ME1: variants seen among roughly 807,000 people sequenced by gnomAD.
The protein encoded by ME1 is NADP-dependent malic enzyme.
ME1 carries 74 observed loss-of-function variants against 66.4 expected under a neutral mutation model. That is an observed-to-expected ratio of 1.11 (90% CI 0.92 to 1.35). The LOEUF (loss-of-function observed/expected upper bound fraction) is 1.35, where lower values mean the gene tolerates loss of function less well. Ranked by LOEUF, ME1 falls within the 40% of genes most tolerant of loss-of-function variation. The pLI, the probability that ME1 is intolerant of heterozygous loss-of-function variation, is 0.00. For synonymous variants in ME1, 251 were observed against 235.6 expected (o/e 1.07, Z -0.60); for missense variants, 750 against 694.1 (o/e 1.08, Z -0.90).
intron 6 of ME1, among the ~76,000 whole-genome samples, chr6:83,265,248 C>T (rs955612860): frequency 1.3e-5 from 2 of 152,172 alleles, no homozygotes; most frequent in African/African-American, 4.8e-5. Context: ...AATGCTATTG[C>T]ATACTTAGTA....
intron 12 of ME1, among the ~76,000 whole-genome samples, chr6:83,217,045 G>T (rs1261558107): frequency 6.6e-6 from 1 of 152,158 alleles, no homozygotes; most frequent in Non-Finnish European, 1.5e-5. Context: ...AGAGCAAAAG[G>T]CTGAGAAAGC....
At chr6:83,410,539 AAT>A (rs958351727) in intron 1 of ME1, among the ~76,000 whole-genome samples, 4 of 152,202 alleles carry the variant, frequency 2.6e-5, no homozygotes, top group African/African-American at 9.6e-5. Flanking sequence ...TATGGACAGT[AAT>A]ATATTTGAAA....
chr6:83,212,921 C>T (rs1023701750), intron 13 of ME1, among the ~76,000 whole-genome samples: 3 of 151,868 alleles, frequency 2.0e-5, no homozygotes, highest in African/African-American at 7.3e-5. Context: ...TCCCTTTTGA[C>T]CAACTCAGAC....
At chr6:83,298,931 G>GTTTTTTTTTTTTTTT (rs61055748) in intron 6 of ME1, among the ~76,000 whole-genome samples, 5 of 22,496 alleles carry the variant, frequency 2.2e-4, no homozygotes, top group Admixed American at 6.3e-4. Flanking sequence ...CTATGTGTCT[G>GTTTTTTTTTTTTTTT]TTTTTTTTTT....
chr6:83,428,254 G>C (rs1050008176), intron 1 of ME1, among the ~76,000 whole-genome samples: 2 of 152,138 alleles, frequency 1.3e-5, no homozygotes, highest in Non-Finnish European at 2.9e-5. Context: ...GAACGAATAA[G>C]ATAAATTTGG....
At chr6:83,376,754 G>T (rs189248356) in intron 3 of ME1, among the ~76,000 whole-genome samples, 1 of 139,400 alleles carries the variant, frequency 7.2e-6, no homozygotes, top group African/African-American at 2.7e-5. Context: ...AGTGCCCTGA[G>T]AATGCACCAC....
At chr6:83,233,882 T>C (rs933804249) in intron 9 of ME1, among the ~76,000 whole-genome samples, 1 of 152,010 alleles carries the variant, frequency 6.6e-6, no homozygotes, top group Non-Finnish European at 1.5e-5. Context: ...AATATAAGGA[T>C]TTTGACTGTT....
intron 6 of ME1, among the ~76,000 whole-genome samples, chr6:83,292,575 G>A (rs913153777): frequency 7.9e-5 from 12 of 152,208 alleles, no homozygotes; most frequent in Admixed American, 2.6e-4. Context: ...GCTACACAGG[G>A]GTCAGGGACC....
intron 2 of ME1, among the ~76,000 whole-genome samples, chr6:83,401,588 G>C (rs545572304): frequency 1.3e-5 from 2 of 152,186 alleles, no homozygotes; most frequent in Non-Finnish European, 2.9e-5. Flanking sequence ...AGAAGGTTGC[G>C]AAGGAGTTTA....
intron 1 of ME1, among the ~76,000 whole-genome samples, chr6:83,422,918 AGAG>A (rs1770296091): frequency 6.6e-6 from 1 of 152,058 alleles, no homozygotes; most frequent in African/African-American, 2.4e-5. Flanking sequence ...TCCCAGAAAG[AGAG>A]GAGAAAGAAA....
At chr6:83,368,425 C>T (rs150704583) in intron 3 of ME1, among the ~76,000 whole-genome samples, 11 of 151,878 alleles carry the variant, frequency 7.2e-5, no homozygotes, top group Non-Finnish European at 1.5e-4. Flanking sequence ...AAAAATTAAA[C>T]GAGGCATGCT....
chr6:83,289,065 T>C (rs1371753694), intron 6 of ME1, among the ~76,000 whole-genome samples: 1 of 152,216 alleles, frequency 6.6e-6, no homozygotes, highest in Non-Finnish European at 1.5e-5. Context: ...ATGATGGGGT[T>C]TTCTAAATAT....
intron 12 of ME1, 93 bp from the exon 13 acceptor site, chr6:83,216,689 G>A: frequency 1.3e-6 from 1 of 767,798 alleles, no homozygotes; most frequent in Non-Finnish European, 2.1e-6. Flanking sequence ...TACATATAAT[G>A]GTCTATACAA....
chr6:83,330,456 A>G (rs573144320), intron 5 of ME1, among the ~76,000 whole-genome samples: 1 of 152,350 alleles, frequency 6.6e-6, no homozygotes, highest in South Asian at 2.1e-4. Context: ...AGAAATAAAA[A>G]TGATTAAAAT....
intron 6 of ME1, among the ~76,000 whole-genome samples, chr6:83,308,837 G>A (rs1472152707): frequency 1.3e-5 from 2 of 151,910 alleles, no homozygotes; most frequent in African/African-American, 4.8e-5. Flanking sequence ...AGAGGAAAGT[G>A]GGCTGAGGGT....
chr6:83,410,023 G>T (rs1194195601), intron 1 of ME1, among the ~76,000 whole-genome samples: 1 of 152,086 alleles, frequency 6.6e-6, no homozygotes, highest in Non-Finnish European at 1.5e-5. Context: ...AGCAGTTCCA[G>T]CTGGCACCAG....
Position 83,352,079 on chromosome 6 carries a change from T to C in ME1, c.423A>G (p.Pro141=), listed in dbSNP as rs1309470289. ...GHIASVLNAW[P]EDVIKAIVVT... is the part of the protein sequence containing the mutation. ...GATAACTTACCTTGATGACATCTTCTGGCCATGCATTGAGAACTGAAGCAA... is the reference window on the plus strand; with the variant it reads ...GATAACTTACCTTGATGACATCTTCCGGCCATGCATTGAGAACTGAAGCAA... Residue 141 remains proline, a synonymous_variant, in exon 4 of 14, where the codon CCA becomes CCG. Transcript: ENST00000369705. The C allele has an allele frequency of 1.5e-5, 24 of 1,599,424 alleles. No homozygotes were observed. The highest frequency in any genetic ancestry group is 1.7e-5 in the Non-Finnish European group (20 of 1,172,844).
At chr6:83,320,162 T>C (rs908751414) in intron 5 of ME1, among the ~76,000 whole-genome samples, 2 of 152,142 alleles carry the variant, frequency 1.3e-5, no homozygotes, top group African/African-American at 4.8e-5. Flanking sequence ...TCCTAGCCAT[T>C]CCAGTCCAAA....
intron 6 of ME1, among the ~76,000 whole-genome samples, chr6:83,292,526 G>A (rs1767522875): frequency 6.6e-6 from 1 of 152,174 alleles, no homozygotes; most frequent in South Asian, 2.1e-4. Context: ...CCTGTATGAG[G>A]TGTCTGTCAG....
Sources: allele counts gnomAD v4.1 joint callset (sites outside exome capture counted in the v4.1 genomes callset), GRCh38; gene constraint gnomAD v4.1.1; transcripts MANE v1.5; gene names NCBI Gene and HGNC (gene_info 2026-07-23, HGNC 2026-07-21).